Variants in SEMA6B observed in about 807,000 individuals in gnomAD.
The protein encoded by SEMA6B is semaphorin 6B, also known as semaphorin-6B.
SEMA6B carries 47 observed loss-of-function variants against 78.6 expected under a neutral mutation model. That is an observed-to-expected ratio of 0.60 (90% CI 0.47 to 0.76). SEMA6B has a LOEUF of 0.76. Ranked by LOEUF, SEMA6B falls within the 30% of genes least tolerant of loss-of-function variation. The pLI, the probability that SEMA6B is intolerant of heterozygous loss-of-function variation, is 0.00. For missense variants in SEMA6B, 1,213 were observed against 1,269.9 expected (o/e 0.96, Z 0.68); for synonymous variants, 632 against 592.2 (o/e 1.07, Z -0.98).
rs949393819 is a variant in SEMA6B, at chr19:4,552,637, C to A, written c.774G>T (p.Val258=). Residue 258 remains valine (V), a splice_region_variant and synonymous_variant, in exon 10 of 17, where the codon GTG becomes GTT. Coordinates refer to ENST00000586582, the MANE Select transcript of SEMA6B (RefSeq NM_032108.4). The surrounding 1 kb of genome is among the most constrained non-coding windows in gnomAD (Gnocchi z 7.4). ...ACACTCGGGCCACGCGGGACACCACCACCTGGGCGTGACAGTGGACGGACG... is the reference window on the plus strand; with the variant it reads ...ACACTCGGGCCACGCGGGACACCACAACCTGGGCGTGACAGTGGACGGACG... ...IAMEFNYLEK[V]VVSRVARVCK... The A allele has an allele frequency of 6.2e-7, 1 of 1,601,768 alleles. No homozygotes were observed. The highest frequency in any genetic ancestry group is 1.3e-5 in the African/African-American group (1 of 74,914).
Position 4,550,570 on chromosome 19 carries a change from G to C in SEMA6B, c.1121+229C>G, listed in dbSNP as rs1977301810. Among the ~76,000 whole-genome samples the C allele has an allele frequency of 6.6e-6, 1 of 152,054 alleles. No homozygotes were observed. Among genetic ancestry groups the C allele is most frequent in the Admixed American group, 6.6e-5 (1 of 15,266 alleles). ...GTAGAGACAGGGTTTCGCCATGTTG[G>C]TCGGGCTGGTCTCAAACCCTCGACC... On this transcript the variant is annotated intron_variant, in intron 11 of 16. Transcript: ENST00000586582. This position sits in a 1 kb window ranked among gnomAD's most constrained non-coding sequence, Gnocchi z 6.6.
Position 4,548,044 on chromosome 19 carries a change from C to T in SEMA6B, c.1584G>A (p.Gln528=). The T allele has an allele frequency of 6.4e-7, 1 of 1,568,984 alleles. No individual in the cohort carries two copies. The highest frequency in any genetic ancestry group is 8.6e-7 in the Non-Finnish European group (1 of 1,161,340). Residue 528 remains glutamine, a synonymous_variant, in exon 14 of 17, where the codon CAG becomes CAA. Transcript: ENST00000586582. ...ACACTCACTTCATACACCCCGAGTA[C>T]TGCTGGCAGCGAGCCACAGGCACTC... ...VVRVPVARCQ[Q]YSGCMKNCIG...
At position 4,548,246 on chromosome 19, in the gene SEMA6B, C is replaced by A; in HGVS notation, c.1454+17G>T. 1 of 1,599,576 alleles carries A rather than the reference C, an allele frequency of 6.3e-7. No homozygotes were observed. The highest frequency in any genetic ancestry group is 1.3e-5 in the African/African-American group (1 of 74,788). On this transcript the variant is annotated intron_variant, in intron 13 of 16. Transcript: ENST00000586582. ...CCCTCCTGCTGGCGACCCCTTCCCA[C>A]CTTTGCCCAGACTTACCTGTCCGGC...
chr19:4,546,715 C>G (rs1161169876), intron 14 of SEMA6B, among the ~76,000 whole-genome samples: 1 of 152,034 alleles, frequency 6.6e-6, no homozygotes, highest in Non-Finnish European at 1.5e-5. Context: ...ACCTCCGCCT[C>G]CCGGGTTCAA....
At chr19:4,554,579 G>T in intron 8 of SEMA6B, 103 bp from the exon 9 acceptor site, 1 of 847,940 alleles carries the variant, frequency 1.2e-6, no homozygotes, top group Non-Finnish European at 1.9e-6. Flanking sequence ...ACATAGGCTG[G>T]TTACCCAGAC....
Position 4,544,611 on chromosome 19 carries a change from C to T in SEMA6B, c.1739-82G>A. The stretch of plus-strand genomic sequence containing the variant: ...TCCTACCTCCTCGGGGCCCTCTGTC[C>T]TCTTTTTTATTATTTTTATTTTTTT... On this transcript the variant is annotated intron_variant, in intron 16 of 16. Coordinates refer to ENST00000586582, the MANE Select transcript of SEMA6B (RefSeq NM_032108.4). This position sits in a 1 kb window ranked among gnomAD's most constrained non-coding sequence, Gnocchi z 5.1. 1.4e-6 allele frequency: 1 copy of T among 707,156 alleles called. No individual in the cohort carries two copies. The highest frequency in any genetic ancestry group is 2.0e-6 in the Non-Finnish European group (1 of 498,888). The allele number at this position is 707,156 out of a possible 1,614,324, so 43.8% of individuals were successfully genotyped here.
Position 4,555,620 on chromosome 19 carries a change from T to C in SEMA6B, c.472-56A>G. 7.0e-7 allele frequency: 1 copy of C among 1,438,780 alleles called. No individual in the cohort carries two copies. 89.1% of individuals were successfully genotyped at this position (1,438,780 alleles called of 1,614,324 possible). A position where few individuals can be genotyped will look rare whatever the true frequency, so the allele number is the denominator to read the frequency against. Reference sequence around the variant, plus strand: ...TCTCCTGACCCCACCTAGCAGCCCCTGGCTCCCTCAGCCCCCCACTCCAGG... The same window carrying C: ...TCTCCTGACCCCACCTAGCAGCCCCCGGCTCCCTCAGCCCCCCACTCCAGG... On this transcript the variant is annotated intron_variant, in intron 6 of 16. Coordinates refer to ENST00000586582, the MANE Select transcript of SEMA6B (RefSeq NM_032108.4). This position sits in a 1 kb window ranked among gnomAD's most constrained non-coding sequence, Gnocchi z 6.1.
At position 4,542,882 on chromosome 19, in the gene SEMA6B, G is replaced by C; in HGVS notation, c.*719C>G. On this transcript the variant is annotated 3_prime_UTR_variant, in exon 17 of 17. Coordinates refer to ENST00000586582, the MANE Select transcript of SEMA6B (RefSeq NM_032108.4). The stretch of plus-strand genomic sequence containing the variant: ...GTCTCCTGCCTGAAACCCCGGCATT[G>C]TCCCCGCTTCCCTCTGCAGAGTGGG... 1 of 701,492 alleles carries C rather than the reference G, an allele frequency of 1.4e-6. No individual in the cohort carries two copies. The allele number at this position is 701,492 out of a possible 1,614,324, so 43.5% of individuals were successfully genotyped here. A position where few individuals can be genotyped will look rare whatever the true frequency, so the allele number is the denominator to read the frequency against.
At chr19:4,556,169 G>A in intron 5 of SEMA6B, 80 bp from the exon 6 acceptor site, 4 of 975,224 alleles carry the variant, frequency 4.1e-6, no homozygotes, top group Non-Finnish European at 6.5e-6. Flanking sequence ...CCTGAGTTGT[G>A]TGGGTGGAGG....
In SEMA6B at chr19:4,558,009, G is replaced by A; in HGVS notation, c.245+17C>T. The A allele has an allele frequency of 7.2e-7, 1 of 1,380,102 alleles. No homozygotes were observed. The highest frequency in any genetic ancestry group is 9.5e-7 in the Non-Finnish European group (1 of 1,050,340). The allele number at this position is 1,380,102 out of a possible 1,614,324, so 85.5% of individuals were successfully genotyped here. A position where few individuals can be genotyped will look rare whatever the true frequency, so the allele number is the denominator to read the frequency against. On this transcript the variant is annotated intron_variant, in intron 3 of 16. Coordinates refer to ENST00000586582, the MANE Select transcript of SEMA6B (RefSeq NM_032108.4). This position sits in a 1 kb window ranked among gnomAD's most constrained non-coding sequence, Gnocchi z 5.1. ...TTCTGCTCGTCACACAGGCCTCCTT[G>A]CTGTCCCCAGCAATACCTGTCCCCA...
At position 4,546,221 on chromosome 19, in the gene SEMA6B, C is replaced by T. The variant is rs373413237; in HGVS notation, c.1733G>A (p.Cys578Tyr). The T allele has an allele frequency of 1.1e-4, 170 of 1,611,096 alleles. No homozygotes were observed. The highest frequency in any genetic ancestry group is 1.4e-4 in the Non-Finnish European group (164 of 1,179,598). The stretch of plus-strand genomic sequence containing the variant: ...CTGCCGTCCCCCCAACTCACCTGTG[C>T]AGTCCCCTAAGCCTGAGGTGCTGGC... ...SGASTSGLGDCTGLLRASLSE... is the reference protein window; with the variant it reads ...SGASTSGLGDYTGLLRASLSE... The change falls in exon 16 of 17, where the codon TGC (cysteine) becomes TAC (tyrosine). Residue 578 changes from cysteine to tyrosine, a missense_variant. Transcript: ENST00000586582.
Position 4,558,360 on chromosome 19 carries a change from G to C in SEMA6B, c.98C>G (p.Pro33Arg), listed in dbSNP as rs2145361388. 1 of 1,299,268 alleles carries C rather than the reference G, an allele frequency of 7.7e-7. No homozygotes were observed. 80.5% of individuals were successfully genotyped at this position (1,299,268 alleles called of 1,614,324 possible). A position where few individuals can be genotyped will look rare whatever the true frequency, so the allele number is the denominator to read the frequency against. Residue 33 changes from proline (P) to arginine (R), a missense_variant, in exon 2 of 17, where the codon CCG (proline) becomes CGG (arginine). Coordinates refer to ENST00000586582, the MANE Select transcript of SEMA6B (RefSeq NM_032108.4). This position sits in a 1 kb window ranked among gnomAD's most constrained non-coding sequence, Gnocchi z 5.1. Reference protein sequence around the residue: ...AHGLFPEEPPPLSVAPRDYLN... With the variant: ...AHGLFPEEPPRLSVAPRDYLN... ...ACAGTCCCTGGGGGCCACGCTAAGC[G>C]GCGGCGGCTCCTCAGGAAAGAGGCC...
chr19:4,557,645 C>T (rs1977508529), intron 3 of SEMA6B, among the ~76,000 whole-genome samples: 1 of 152,186 alleles, frequency 6.6e-6, no homozygotes, highest in Non-Finnish European at 1.5e-5. Context: ...TCTCTCCTTC[C>T]TGGGAAGCCC....
chr19:4,551,157 A>G (rs2145352564), intron 10 of SEMA6B, among the ~76,000 whole-genome samples: 1 of 150,698 alleles, frequency 6.6e-6, no homozygotes, highest in South Asian at 2.1e-4. Context: ...CCAGGCCCCC[A>G]TCCCTGTTTA....
chr19:4,549,085 C>T (rs572904024), intron 12 of SEMA6B, among the ~76,000 whole-genome samples: 26 of 152,280 alleles, frequency 1.7e-4, no homozygotes, highest in African/African-American at 6.0e-4. Flanking sequence ...CTTAGCCTCT[C>T]AAAGTGCTGG....
At position 4,543,511 on chromosome 19, in the gene SEMA6B, C is replaced by T; in HGVS notation, c.*90G>A. On this transcript the variant is annotated 3_prime_UTR_variant, in exon 17 of 17. Coordinates refer to ENST00000586582, the MANE Select transcript of SEMA6B (RefSeq NM_032108.4). ...CGCGGGGGGGACTTGAGCACCCACT[C>T]GGAGTTGCCCCGGGCCCCGGCGTTC... is the stretch of plus-strand genomic sequence containing the variant. 4 of 605,840 alleles carry T rather than the reference C, an allele frequency of 6.6e-6. No individual in the cohort carries two copies. The highest frequency in any genetic ancestry group is 1.7e-4 in the South Asian group (2 of 11,706). The allele number at this position is 605,840 out of a possible 1,614,324, so 37.5% of individuals were successfully genotyped here.
intron 12 of SEMA6B, among the ~76,000 whole-genome samples, chr19:4,549,269 T>C (rs1180892969): frequency 1.3e-5 from 2 of 151,306 alleles, no homozygotes; most frequent in African/African-American, 2.4e-5. Flanking sequence ...TCCCCCTTTG[T>C]TCTCCTGGTG....
rs868163022 is a variant in SEMA6B at position 4,546,470 on chromosome 19, C to T, written c.1602-1G>A. ...GGGGTCCTGACTGCCGATACAGTTC[C>T]TAGAGCAGACCAGGGACCGAATGGG... On this transcript the variant is annotated splice_acceptor_variant, in intron 14 of 16. Transcript: ENST00000586582. LOFTEE classifies it high-confidence loss of function. 6.4e-7 allele frequency: 1 copy of T among 1,555,746 alleles called. No individual in the cohort carries two copies. Among genetic ancestry groups the T allele is most frequent in the Non-Finnish European group, 8.7e-7 (1 of 1,148,904 alleles).
At position 4,544,138 on chromosome 19, in the gene SEMA6B, G is replaced by C; in HGVS notation, c.2130C>G (p.Pro710=). The change falls in exon 17 of 17, where the codon CCC becomes CCG. Residue 710 remains proline (P), a synonymous_variant. Coordinates refer to ENST00000586582, the MANE Select transcript of SEMA6B (RefSeq NM_032108.4). This position sits in a 1 kb window ranked among gnomAD's most constrained non-coding sequence, Gnocchi z 5.1. ...HDLDSGLLPT[P]EQTPLPQKRL... ...GCTTCTGCGGCAGCGGCGTCTGCTC[G>C]GGCGTGGGCAGCAGCCCCGAGTCCA... The C allele has an allele frequency of 1.6e-6, 2 of 1,273,016 alleles. No individual in the cohort carries two copies. The highest frequency in any genetic ancestry group is 5.2e-5 in the South Asian group (2 of 38,180). 78.9% of individuals were successfully genotyped at this position (1,273,016 alleles called of 1,614,324 possible).
Sources: gnomAD v4.1 joint callset for allele counts (sites outside exome capture counted in the v4.1 genomes callset) on GRCh38, gnomAD v4.1.1 for gene constraint, Gnocchi (gnomAD v3.1) non-coding constraint, MANE v1.5 for transcripts, NCBI Gene and HGNC (gene_info 2026-07-23, HGNC 2026-07-21) for gene names.